The following UHRF2 variants were observed in gnomAD, a reference collection of about 807,000 sequenced individuals.
UHRF2 encodes ubiquitin like with PHD and ring finger domains 2, also known as E3 ubiquitin-protein ligase UHRF2.
A neutral mutation model predicts 96.8 loss-of-function variants in UHRF2; 23 were observed. The ratio of observed to expected loss-of-function variants is 0.24; its 90% CI spans 0.17 to 0.34. UHRF2 has a LOEUF of 0.34. Among genes scored for constraint, UHRF2 ranks in the 10% least tolerant of loss-of-function variants. UHRF2 has a pLI of 1.00. For missense variants in UHRF2, 685 were observed against 981.5 expected (o/e 0.70, Z 4.04); for synonymous variants, 385 against 332.6 (o/e 1.16, Z -1.72).
rs188510238 is a variant in UHRF2, at chr9:6,481,437, C to G, written c.1161-206C>G. On this transcript the variant is annotated intron_variant, in intron 6 of 15. Transcript: ENST00000276893. The stretch of plus-strand genomic sequence containing the variant: ...CTGAATTTGAGGATTTATAAGTTAT[C>G]TAAAGGAATGACAAGGATATTTTTA... Among the ~76,000 whole-genome samples, 320 of 152,250 alleles carry G rather than the reference C, an allele frequency of 2.1e-3. 5 individuals are homozygous for G. Among genetic ancestry groups the G allele is most frequent in the Admixed American group, 0.021 (316 of 15,298 alleles).
chr9:6,493,714 A>G, intron 9 of UHRF2, 112 bp from the exon 10 acceptor site: 1 of 914,556 alleles, frequency 1.1e-6, no homozygotes, highest in South Asian at 1.9e-5. Flanking sequence ...AGATGCCTCA[A>G]GAGAAAATGT....
At chr9:6,416,480 C>T (rs1332110010) in intron 1 of UHRF2, among the ~76,000 whole-genome samples, 1 of 149,550 alleles carries the variant, frequency 6.7e-6, no homozygotes. Context: ...GAGTTTGAGG[C>T]ACGCGGGGGA....
In UHRF2 at chr9:6,477,606, A is replaced by C; in HGVS notation, c.974-16A>C. The C allele has an allele frequency of 6.3e-7, 1 of 1,581,990 alleles. No homozygotes were observed. The highest frequency in any genetic ancestry group is 1.4e-5 in the African/African-American group (1 of 73,622). On this transcript the variant is annotated splice_polypyrimidine_tract_variant and intron_variant, in intron 5 of 15. Transcript: ENST00000276893. ...ATGTTTTAAGACTAGACTTGCTATA[A>C]TTTTGTTCTTAATAGGGCGAAATGA...
intron 14 of UHRF2, among the ~76,000 whole-genome samples, chr9:6,502,994 T>G (rs957988352): frequency 6.6e-6 from 1 of 152,110 alleles, no homozygotes; most frequent in African/African-American, 2.4e-5. Context: ...AAGGTTTTTT[T>G]GTTTGTTTGT....
chr9:6,483,106 G>A (rs1824023328), intron 8 of UHRF2, among the ~76,000 whole-genome samples: 1 of 151,754 alleles, frequency 6.6e-6, no homozygotes, highest in Non-Finnish European at 1.5e-5. Context: ...CAGCCAGATC[G>A]CTTGAGGCCA....
intron 3 of UHRF2, among the ~76,000 whole-genome samples, chr9:6,449,892 A>T (rs1353468840): frequency 6.6e-6 from 1 of 151,786 alleles, no homozygotes; most frequent in African/African-American, 2.4e-5. Context: ...GCCCTGTGTG[A>T]CTCTACTAGG....
intron 14 of UHRF2, 132 bp downstream of exon 14, chr9:6,500,841 A>G (rs1000225075): frequency 1.3e-6 from 1 of 781,948 alleles, no homozygotes; most frequent in Non-Finnish European, 2.0e-6. Context: ...CAGTGCCACT[A>G]CCTTTCAGAA....
At chr9:6,484,072 T>A (rs189136399) in intron 8 of UHRF2, among the ~76,000 whole-genome samples, 1,551 of 151,496 alleles carry the variant, frequency 0.01, 14 homozygotes, top group Middle Eastern at 0.02. Flanking sequence ...TTTCTTTCTT[T>A]CTTTTTTTTT....
At chr9:6,481,521 C>A in intron 6 of UHRF2, 122 bp from the exon 7 acceptor site, 1 of 1,122,116 alleles carries the variant, frequency 8.9e-7, no homozygotes. Flanking sequence ...CCAGTTAAAG[C>A]TCTGTAATGT....
In UHRF2 at chr9:6,498,288, A is replaced by G. The variant is rs571157663; in HGVS notation, c.1908+130A>G. The G allele has an allele frequency of 3.2e-5, 32 of 988,678 alleles. No homozygotes were observed. The African/African-American group carries it at 5.3e-4, about 16-fold the overall frequency. 61.2% of individuals were successfully genotyped at this position (988,678 alleles called of 1,614,324 possible). The stretch of plus-strand genomic sequence containing the variant: ...ACTATAAGGGGTGAGGAATAAGATC[A>G]TGCAAATAGACAGAGGAAAAGAAGA... On this transcript the variant is annotated intron_variant, in intron 12 of 15. Transcript: ENST00000276893.
chr9:6,488,271 A>T (rs1587867418), intron 9 of UHRF2, among the ~76,000 whole-genome samples: 1 of 68,280 alleles, frequency 1.5e-5, no homozygotes, highest in African/African-American at 1.3e-4. Context: ...AAAAAAAAAA[A>T]AAAAAAAAAA....
At chr9:6,472,348 G>A (rs1374624903) in intron 4 of UHRF2, among the ~76,000 whole-genome samples, 1 of 152,222 alleles carries the variant, frequency 6.6e-6, no homozygotes. Flanking sequence ...AGTTAGAAGA[G>A]AGTGAGAAAA....
intron 1 of UHRF2, among the ~76,000 whole-genome samples, chr9:6,417,934 G>A (rs1819706009): frequency 6.6e-6 from 1 of 152,152 alleles, no homozygotes; most frequent in Non-Finnish European, 1.5e-5. Flanking sequence ...AACCTAAGTG[G>A]AAAAATGTTC....
chr9:6,459,234 T>C (rs1039518134), intron 3 of UHRF2, among the ~76,000 whole-genome samples: 7 of 152,064 alleles, frequency 4.6e-5, no homozygotes, highest in Non-Finnish European at 8.8e-5. Context: ...AGAAAGAAAC[T>C]GGAATCTTTC....
intron 2 of UHRF2, among the ~76,000 whole-genome samples, chr9:6,428,001 C>T (rs192800462): frequency 5.9e-5 from 9 of 152,250 alleles, no homozygotes; most frequent in African/African-American, 2.2e-4. Flanking sequence ...TTTTATGATG[C>T]CAGAAAGATC....
At chr9:6,417,562 G>T (rs1432233093) in intron 1 of UHRF2, among the ~76,000 whole-genome samples, 1 of 152,156 alleles carries the variant, frequency 6.6e-6, no homozygotes, top group Non-Finnish European at 1.5e-5. Flanking sequence ...TTCATAATAT[G>T]TGAAGCTTTG....
chr9:6,430,197 A>G (rs1315673380), intron 2 of UHRF2, among the ~76,000 whole-genome samples: 2 of 152,060 alleles, frequency 1.3e-5, no homozygotes, highest in East Asian at 3.9e-4. Flanking sequence ...TTTAGTAGAG[A>G]CAGGGTTTCG....
chr9:6,486,851 G>A lies in UHRF2; in HGVS notation c.1423G>A (p.Val475Ile). Residue 475 changes from valine to isoleucine, a missense_variant, in exon 9 of 16, where the codon GTT becomes ATT. Coordinates refer to ENST00000276893, the MANE Select transcript of UHRF2 (RefSeq NM_152896.3). ...VSEAGVHRPH[V>I]GGIHGRSNDG... The stretch of plus-strand genomic sequence containing the variant: ...CGAAGCAGGTGTTCACAGACCCCAT[G>A]TTGGTGGAATTCATGGTCGAAGTAA... 1.9e-6 allele frequency: 3 copies of A among 1,614,144 alleles called. No homozygotes were observed. Among genetic ancestry groups the A allele is most frequent in the Non-Finnish European group, 2.5e-6 (3 of 1,180,000 alleles).
At chr9:6,500,775 A>G (rs570664918) in intron 14 of UHRF2, 66 bp downstream of exon 14, 3 of 1,468,324 alleles carry the variant, frequency 2.0e-6, no homozygotes, top group East Asian at 4.9e-5. Flanking sequence ...TTGTCTCATG[A>G]AGTCTGTTTT....
Sources: allele counts gnomAD v4.1 joint callset (sites outside exome capture counted in the v4.1 genomes callset), GRCh38; gene constraint gnomAD v4.1.1; transcripts MANE v1.5; gene names NCBI Gene and HGNC (gene_info 2026-07-23, HGNC 2026-07-21).